ANO4: variants seen among roughly 807,000 people sequenced by gnomAD.
The protein encoded by ANO4 is anoctamin 4, also known as anoctamin-4.
In ANO4, 69 loss-of-function variants were observed where a neutral mutation model predicts 141.9. The ratio of observed to expected loss-of-function variants is 0.49; its 90% CI spans 0.40 to 0.59. The LOEUF is 0.59. Ranked by LOEUF, ANO4 falls within the 20% of genes least tolerant of loss-of-function variation. The pLI, the probability that ANO4 is intolerant of heterozygous loss-of-function variation, is 0.00. For synonymous variants in ANO4, 350 were observed against 394.3 expected, an observed-to-expected ratio of 0.89 and a Z score of 1.33; for missense variants, 894 against 1,162.2, an observed-to-expected ratio of 0.77 and a Z score of 3.36.
intron 1 of ANO4, among the ~76,000 whole-genome samples, chr12:100,720,135 T>A (rs77036012): frequency 1.3e-5 from 2 of 151,950 alleles, no homozygotes; most frequent in African/African-American, 4.8e-5. Flanking sequence ...GAGAAATGAC[T>A]GGGACTTTAA....
At chr12:100,838,724 TG>T (rs775264827) in intron 1 of ANO4, among the ~76,000 whole-genome samples, 6 of 152,092 alleles carry the variant, frequency 3.9e-5, no homozygotes, top group Non-Finnish European at 7.4e-5. Context: ...GTTTTAGCCA[TG>T]GGAAAAATGG....
At chr12:100,740,650 A>G (rs17478402) in intron 3 of ANO4, among the ~76,000 whole-genome samples, 29,168 of 152,130 alleles carry the variant, frequency 0.19, 3,224 homozygotes, top group Non-Finnish European at 0.25. Context: ...GCTCCACCAA[A>G]TTGATCTATT....
At chr12:101,064,241 CT>C (rs781084806) in intron 14 of ANO4, among the ~76,000 whole-genome samples, 4 of 151,972 alleles carry the variant, frequency 2.6e-5, no homozygotes, top group Non-Finnish European at 5.9e-5. Flanking sequence ...TTCTAATTTC[CT>C]TTGTGAGTTC....
rs140862962 is a variant in ANO4, at chr12:101,116,038, G to C, written c.2451-641G>C. Reference sequence around the variant, plus strand: ...ACTAAGTAAGTATGGTGGCACTACAGAGAGAGGGAAAGGAGTGAGATGTTG... The same window carrying C: ...ACTAAGTAAGTATGGTGGCACTACACAGAGAGGGAAAGGAGTGAGATGTTG... On this transcript the variant is annotated intron_variant, in intron 24 of 27. Coordinates refer to ENST00000392977, the MANE Select transcript of ANO4 (RefSeq NM_001286615.2). Among the ~76,000 whole-genome samples, 813 of 152,326 alleles carry C rather than the reference G, an allele frequency of 5.3e-3. 7 individuals are homozygous for C. The highest frequency in any genetic ancestry group is 0.019 in the African/African-American group (776 of 41,572).
intron 3 of ANO4, among the ~76,000 whole-genome samples, chr12:100,783,650 A>G (rs2033775210): frequency 6.6e-6 from 1 of 152,096 alleles, no homozygotes; most frequent in Admixed American, 6.5e-5. Context: ...TATAAAATCT[A>G]AGGGTGGCTA....
At chr12:101,020,252 A>G (rs191292671) in intron 9 of ANO4, 112 bp downstream of exon 9, 1 of 682,826 alleles carries the variant, frequency 1.5e-6, no homozygotes, top group African/African-American at 1.8e-5. Flanking sequence ...CACTTATAAA[A>G]CCCCTAACTA....
At chr12:100,736,272 A>G (rs2031609825) in intron 2 of ANO4, among the ~76,000 whole-genome samples, 1 of 152,198 alleles carries the variant, frequency 6.6e-6, no homozygotes. Context: ...TCAGTAGCTA[A>G]CAAACACTTT....
chr12:100,958,974 G>A (rs1336626519), intron 5 of ANO4, among the ~76,000 whole-genome samples: 1 of 152,104 alleles, frequency 6.6e-6, no homozygotes, highest in Non-Finnish European at 1.5e-5. Context: ...GTTGGGTGGG[G>A]GCTCACTGAA....
chr12:100,746,840 T>C (rs1394731677), intron 3 of ANO4, among the ~76,000 whole-genome samples: 1 of 152,224 alleles, frequency 6.6e-6, no homozygotes, highest in Admixed American at 6.5e-5. Context: ...CTCCTAGGGC[T>C]GTGCTTGGTG....
chr12:100,796,257 T>A (rs1237463535), intron 1 of ANO4, among the ~76,000 whole-genome samples: 7 of 152,214 alleles, frequency 4.6e-5, no homozygotes, highest in Non-Finnish European at 8.8e-5. Context: ...GGTACTGAAC[T>A]AATACAATGT....
chr12:100,859,154 G>A lies in ANO4; in HGVS notation c.-140-42492G>A, dbSNP rs180819094. 20 of 152,204 alleles carry A rather than the reference G, an allele frequency of 1.3e-4. 1 individual carries two copies. Among genetic ancestry groups the A allele is most frequent in the African/African-American group, 3.4e-4 (14 of 41,532 alleles). 9.4% of individuals were successfully genotyped at this position (152,204 alleles called of 1,614,324 possible). A position where few individuals can be genotyped will look rare whatever the true frequency, so the allele number is the denominator to read the frequency against. On this transcript the variant is annotated intron_variant, in intron 1 of 27. Coordinates refer to ENST00000392977, the MANE Select transcript of ANO4 (RefSeq NM_001286615.2). ...TTGGGCTATAGTACAGTATCGTTCC[G>A]TGCTAGTATAGTTCGGTCCAGGCTC... is the stretch of plus-strand genomic sequence containing the variant.
Position 101,116,490 on chromosome 12 carries a change from A to C in ANO4, c.2451-189A>C, listed in dbSNP as rs546896036. 3.3e-5 allele frequency among the ~76,000 whole-genome samples: 5 copies of C among 152,264 alleles called. No individual in the cohort carries two copies. The South Asian group carries it at 1.0e-3, about 32-fold the overall frequency. The stretch of plus-strand genomic sequence containing the variant: ...GCAGAAAAAGGATGAGAACCAAAAC[A>C]AGCAACTTGTTCCTGATTCAACATG... On this transcript the variant is annotated intron_variant, in intron 24 of 27. Coordinates refer to ENST00000392977, the MANE Select transcript of ANO4 (RefSeq NM_001286615.2).
chr12:100,875,046 T>C (rs891454648), intron 1 of ANO4, among the ~76,000 whole-genome samples: 3 of 152,248 alleles, frequency 2.0e-5, no homozygotes, highest in African/African-American at 7.2e-5. Flanking sequence ...AATGATGAAA[T>C]GAGTCAAGGC....
At chr12:100,998,412 T>TATCTATCC (rs1370047334) in intron 8 of ANO4, among the ~76,000 whole-genome samples, 6 of 149,928 alleles carry the variant, frequency 4.0e-5, no homozygotes, top group Admixed American at 1.3e-4. Context: ...TCTATCTATC[T>TATCTATCC]ATCCATCCTA....
At position 101,020,043 on chromosome 12, in the gene ANO4, A is replaced by G; in HGVS notation, c.744A>G (p.Ile248Met). 6.2e-7 allele frequency: 1 copy of G among 1,611,570 alleles called. No individual in the cohort carries two copies. Among genetic ancestry groups the G allele is most frequent in the Non-Finnish European group, 8.5e-7 (1 of 1,177,848 alleles). The change falls in exon 9 of 28, where the codon ATA becomes ATG. Residue 248 changes from isoleucine (I) to methionine (M), a missense_variant. Transcript: ENST00000392977. ...FSQQRIHHFI[I>M]HNKETFFNNA... ...TAATATATGTATGCAGCTTCATCAT[A>G]CACAACAAAGAAACGTTCTTCAACA...
chr12:100,779,285 G>T (rs2033637816), intron 3 of ANO4, among the ~76,000 whole-genome samples: 1 of 152,154 alleles, frequency 6.6e-6, no homozygotes, highest in East Asian at 1.9e-4. Context: ...ACAACCTGAA[G>T]CTCCCCTCTG....
chr12:100,918,195 TGCGCACCTGTA>T (rs2041439960), intron 2 of ANO4, among the ~76,000 whole-genome samples: 1 of 152,122 alleles, frequency 6.6e-6, no homozygotes, highest in Non-Finnish European at 1.5e-5. Flanking sequence ...GGCATGGTGG[TGCGCACCTGTA>T]GCCCTTGGCT....
rs533887953 is a variant in ANO4 at position 100,722,709 on chromosome 12, C to T, written c.22+5162C>T. Among the ~76,000 whole-genome samples, 38 of 152,276 alleles carry T rather than the reference C, an allele frequency of 2.5e-4. No individual in the cohort carries two copies. In the East Asian group the frequency reaches 6.6e-3, roughly 26 times the overall value. ...TTTTATCTTTGTGTTCCTTGTGCCT[C>T]GCACAGTGCCTGGCACATAGTAGGT... On this transcript the variant is annotated intron_variant, in intron 1 of 29. Coordinates refer to the ANO4 transcript ENST00000644049.
At position 100,927,311 on chromosome 12, in the gene ANO4, A is replaced by G. The variant is rs537675689; in HGVS notation, c.160+4981A>G. 1.4e-3 allele frequency among the ~76,000 whole-genome samples: 213 copies of G among 152,266 alleles called. 2 individuals carry two copies. The highest frequency in any genetic ancestry group is 4.9e-3 in the African/African-American group (205 of 41,580). ...TTGCAGATAGATTTAGTTTGATGCAATGATAACAACATTACAGTGCAATTC... is the reference window on the plus strand; with the variant it reads ...TTGCAGATAGATTTAGTTTGATGCAGTGATAACAACATTACAGTGCAATTC... On this transcript the variant is annotated intron_variant, in intron 3 of 27. Coordinates refer to ENST00000392977, the MANE Select transcript of ANO4 (RefSeq NM_001286615.2).
Sources: gnomAD v4.1 joint callset for allele counts (sites outside exome capture counted in the v4.1 genomes callset) on GRCh38, gnomAD v4.1.1 for gene constraint, MANE v1.5 for transcripts, NCBI Gene and HGNC (gene_info 2026-07-23, HGNC 2026-07-21) for gene names.